Variants in SCARA3 observed in about 807,000 individuals in gnomAD.
SCARA3 encodes scavenger receptor class A member 3, also known as cellular stress response gene protein.
Under a neutral mutation model 47.0 loss-of-function variants are expected in SCARA3, and 39 were observed. That is an observed-to-expected ratio of 0.83 (90% CI 0.64 to 1.08). SCARA3 has a LOEUF of 1.08. Among genes scored for constraint, SCARA3 ranks in the 50% least tolerant of loss-of-function variants. The probability of loss-of-function intolerance (pLI) is 0.00; values close to 1 mark genes in which losing one functional copy is unlikely to be tolerated. For synonymous variants in SCARA3, 356 were observed against 334.1 expected, an observed-to-expected ratio of 1.07 and a Z score of -0.71; for missense variants, 724 against 792.3, an observed-to-expected ratio of 0.91 and a Z score of 1.04.
the SCARA3 span, chr8:27,702,753 G>A: frequency 6.6e-6 from 1 of 152,670 alleles, no homozygotes; most frequent in East Asian, 1.9e-4. Context: ...AGTGAAGGCA[G>A]GCTTGGGAAA....
chr8:27,693,138 A>AAGG, the SCARA3 span, among the ~76,000 whole-genome samples: 2 of 141,442 alleles, frequency 1.4e-5, no homozygotes, highest in Non-Finnish European at 3.1e-5. Context: ...AAAAAAAAAA[A>AAGG]AAAGAAAAAG....
In SCARA3 at chr8:27,671,946, G is replaced by C. The variant is rs1166113499; in HGVS notation, c.*595G>C. 1.4e-5 allele frequency: 14 copies of C among 985,276 alleles called. No individual in the cohort carries two copies. The highest frequency in any genetic ancestry group is 1.7e-5 in the Non-Finnish European group (14 of 829,938). The allele number at this position is 985,276 out of a possible 1,614,324, so 61.0% of individuals were successfully genotyped here. On this transcript the variant is annotated 3_prime_UTR_variant, in exon 6 of 6. Transcript: ENST00000301904. Reference sequence around the variant, plus strand: ...AGCCTGCCAGGGAGGCAGCTACCTCGGGAGGAAGGTCTCACATCTGTCTCT... The same window carrying C: ...AGCCTGCCAGGGAGGCAGCTACCTCCGGAGGAAGGTCTCACATCTGTCTCT...
chr8:27,653,644 C>T (rs1242147750), intron 3 of SCARA3, among the ~76,000 whole-genome samples: 1 of 150,672 alleles, frequency 6.6e-6, no homozygotes, highest in Non-Finnish European at 1.5e-5. Flanking sequence ...CAATGCTTTA[C>T]AACCAGAACT....
At chr8:27,686,137 G>C in the SCARA3 span, among the ~76,000 whole-genome samples, 14 of 152,138 alleles carry the variant, frequency 9.2e-5, no homozygotes, top group African/African-American at 2.7e-4. Flanking sequence ...TTTATTATTA[G>C]ATTATGTTAA....
At chr8:27,646,956 A>C (rs1194809457) in intron 1 of SCARA3, among the ~76,000 whole-genome samples, 550 of 47,156 alleles carry the variant, frequency 0.012, no homozygotes, top group Admixed American at 0.018. Flanking sequence ...ACTTGCCCGC[A>C]CCCCTGACCG....
intron 5 of SCARA3, among the ~76,000 whole-genome samples, chr8:27,670,337 A>G (rs1209020449): frequency 6.6e-6 from 1 of 152,194 alleles, no homozygotes; most frequent in Non-Finnish European, 1.5e-5. Flanking sequence ...TGTCAATGAA[A>G]AGACTCACAA....
intron 5 of SCARA3, 140 bp downstream of exon 5, chr8:27,659,679 AGC>A: frequency 2.8e-6 from 2 of 703,728 alleles, no homozygotes; most frequent in Non-Finnish European, 2.3e-6. Context: ...AGCAGTCGGC[AGC>A]TTTAAGAAAT....
chr8:27,637,457 G>A lies in SCARA3; in HGVS notation c.7+3250G>A, dbSNP rs948905197. Among the ~76,000 whole-genome samples the A allele has an allele frequency of 5.3e-5, 8 of 152,342 alleles. No individual in the cohort carries two copies. In the East Asian group the frequency reaches 1.5e-3, roughly 29 times the overall value. ...CACAGGCTGGTGCACCGTGAAGACTGATTTGAGAGTCGAAGACATGGGCTT... is the reference window on the plus strand; with the variant it reads ...CACAGGCTGGTGCACCGTGAAGACTAATTTGAGAGTCGAAGACATGGGCTT... On this transcript the variant is annotated intron_variant, in intron 1 of 5. Transcript: ENST00000301904.
intron 5 of SCARA3, among the ~76,000 whole-genome samples, chr8:27,667,617 G>C (rs945346980): frequency 3.3e-5 from 5 of 152,222 alleles, no homozygotes; most frequent in Non-Finnish European, 7.3e-5. Context: ...ATTGTCATCT[G>C]TAAAATGGAG....
chr8:27,685,682 C>A, the SCARA3 span, among the ~76,000 whole-genome samples: 1 of 152,260 alleles, frequency 6.6e-6, no homozygotes, highest in South Asian at 2.1e-4. Flanking sequence ...CCAGACATGA[C>A]CTGCCCCCGT....
chr8:27,641,653 T>C (rs1350943064), intron 1 of SCARA3, among the ~76,000 whole-genome samples: 1 of 152,094 alleles, frequency 6.6e-6, no homozygotes, highest in African/African-American at 2.4e-5. Flanking sequence ...TCAGGGCGAA[T>C]GAGAACTTGG....
downstream of SCARA3, among the ~76,000 whole-genome samples, chr8:27,673,322 A>C (rs1399085662): frequency 6.6e-6 from 1 of 152,206 alleles, no homozygotes; most frequent in Non-Finnish European, 1.5e-5. Flanking sequence ...TGGACATGTG[A>C]GTGATACCTC....
chr8:27,718,309 A>G, the SCARA3 span, among the ~76,000 whole-genome samples: 1 of 152,280 alleles, frequency 6.6e-6, no homozygotes, highest in Non-Finnish European at 1.5e-5. Context: ...GTCTTTGAGG[A>G]AAGTTATTAA....
At chr8:27,697,735 T>A in the SCARA3 span, among the ~76,000 whole-genome samples, 2 of 152,322 alleles carry the variant, frequency 1.3e-5, no homozygotes, top group East Asian at 3.9e-4. Context: ...AGTGAATAAG[T>A]CTCACAAGAT....
the SCARA3 span, among the ~76,000 whole-genome samples, chr8:27,684,137 T>G: frequency 6.6e-6 from 1 of 152,152 alleles, no homozygotes; most frequent in African/African-American, 2.4e-5. Context: ...TAGACAGGTA[T>G]CTACATTTGG....
chr8:27,655,234 G>C (rs964665699), intron 3 of SCARA3, among the ~76,000 whole-genome samples: 1 of 152,030 alleles, frequency 6.6e-6, no homozygotes, highest in Non-Finnish European at 1.5e-5. Context: ...TCAAGAAAGG[G>C]TAACTGACTT....
At chr8:27,678,697 C>T (rs1802314095), downstream of SCARA3, among the ~76,000 whole-genome samples, 2 of 152,072 alleles carry the variant, frequency 1.3e-5, no homozygotes, top group South Asian at 2.1e-4. Flanking sequence ...TAGCATTGCC[C>T]TAATAGCAAA....
Position 27,651,560 on chromosome 8 carries a change from A to G in SCARA3, c.159A>G (p.Thr53=), listed in dbSNP as rs1294527508. The G allele has an allele frequency of 2.5e-6, 4 of 1,613,992 alleles. No homozygotes were observed. Among genetic ancestry groups the G allele is most frequent in the Admixed American group, 1.7e-5 (1 of 60,018 alleles). ...SRCQKNLSLH[T]SVRILYLFLA... is the part of the protein sequence containing the mutation. Reference sequence around the variant, plus strand: ...GCCAGAAGAACCTATCTTTGCACACATCGGTGCGGATTCTTTACCTCTTCC... The same window carrying G: ...GCCAGAAGAACCTATCTTTGCACACGTCGGTGCGGATTCTTTACCTCTTCC... Residue 53 remains threonine (T), a synonymous_variant, in exon 3 of 6, where the codon ACA becomes ACG. Transcript: ENST00000301904.
the SCARA3 span, among the ~76,000 whole-genome samples, chr8:27,721,628 G>A: frequency 2.0e-5 from 3 of 152,190 alleles, no homozygotes; most frequent in Non-Finnish European, 2.9e-5. Context: ...CGGTGAGACT[G>A]AGGTGGAATG....
Sources: gnomAD v4.1 joint callset for allele counts (sites outside exome capture counted in the v4.1 genomes callset) on GRCh38, gnomAD v4.1.1 for gene constraint, MANE v1.5 for transcripts, NCBI Gene and HGNC (gene_info 2026-07-23, HGNC 2026-07-21) for gene names.